KLHL25: variants seen among roughly 807,000 people sequenced by gnomAD.
KLHL25 encodes the protein kelch-like protein 25.
In KLHL25, 41 loss-of-function variants were observed where a neutral mutation model predicts 30.0. The ratio of observed to expected loss-of-function variants is 1.37; its 90% CI spans 1.07 to 1.78. The LOEUF (loss-of-function observed/expected upper bound fraction) is 1.78, where lower values mean the gene tolerates loss of function less well. Ranked by LOEUF, KLHL25 falls within the 40% of genes most tolerant of loss-of-function variation. KLHL25 has a pLI of 0.00. For synonymous variants in KLHL25, 399 were observed against 355.3 expected (o/e 1.12, Z -1.38); for missense variants, 971 against 824.5 (o/e 1.18, Z -2.18).
At chr15:85,782,923 T>C (rs12900830) in intron 1 of KLHL25, among the ~76,000 whole-genome samples, 23,632 of 151,992 alleles carry the variant, frequency 0.16, 2,454 homozygotes, top group Middle Eastern at 0.29. Flanking sequence ...CTACCTAGAA[T>C]CGATTAGATG....
chr15:85,779,455 T>C (rs1052574743), intron 1 of KLHL25, among the ~76,000 whole-genome samples: 1 of 152,180 alleles, frequency 6.6e-6, no homozygotes, highest in African/African-American at 2.4e-5. Context: ...ACACATGTGG[T>C]ATTAAAATGC....
Position 85,769,508 on chromosome 15 carries a change from C to A in KLHL25, c.303G>T (p.Leu101=). The change falls in exon 2 of 3, where the codon CTG becomes CTT. Residue 101 remains leucine (L), a synonymous_variant. Coordinates refer to ENST00000337975, the MANE Select transcript of KLHL25 (RefSeq NM_022480.4). The part of the protein sequence containing the change: ...DNLHPEVLEL[L]LDFAYSSRIA... ...TGCGTGAGGAGTAGGCAAAGTCCAG[C>A]AGCAGCTCCAGCACCTCCGGGTGCA... The A allele has an allele frequency of 6.2e-7, 1 of 1,614,014 alleles. No homozygotes were observed. The highest frequency in any genetic ancestry group is 2.2e-5 in the East Asian group (1 of 44,886).
intron 1 of KLHL25, among the ~76,000 whole-genome samples, chr15:85,785,095 T>TA (rs2089772245): frequency 2.2e-5 from 2 of 92,490 alleles, no homozygotes; most frequent in Non-Finnish European, 4.8e-5. Flanking sequence ...TTCTTTTTTC[T>TA]TTTTTTTTTT....
chr15:85,764,666 T>C (rs2089607024), intron 2 of KLHL25, among the ~76,000 whole-genome samples: 1 of 152,176 alleles, frequency 6.6e-6, no homozygotes, highest in Admixed American at 6.5e-5. Flanking sequence ...ACAGCAGTCA[T>C]GGGTGGACAG....
intron 1 of KLHL25, among the ~76,000 whole-genome samples, chr15:85,776,604 G>C (rs900407202): frequency 6.6e-6 from 1 of 152,042 alleles, no homozygotes; most frequent in Non-Finnish European, 1.5e-5. Flanking sequence ...TATTTATTTA[G>C]TTTGGTTTTG....
chr15:85,763,330 G>A lies in KLHL25; in HGVS notation c.*25-2319C>T, dbSNP rs569306909. ...TGCTCTGTGCCAGGGGCGCAGACGT[G>A]AGGATGCCCGTGGCCAGCTCCCCAG... On this transcript the variant is annotated intron_variant, in intron 2 of 2. Transcript: ENST00000337975. 2.0e-5 allele frequency: 3 copies of A among 152,374 alleles called. No homozygotes were observed. The South Asian group carries it at 6.2e-4, about 32-fold the overall frequency. The allele number at this position is 152,374 out of a possible 1,614,324, so 9.4% of individuals were successfully genotyped here. A position where few individuals can be genotyped will look rare whatever the true frequency, so the allele number is the denominator to read the frequency against.
intron 1 of KLHL25, among the ~76,000 whole-genome samples, chr15:85,785,918 G>A (rs940770693): frequency 2.0e-5 from 3 of 152,184 alleles, no homozygotes; most frequent in Non-Finnish European, 2.9e-5. Context: ...TTCAAGCTGC[G>A]CTCACAATGG....
chr15:85,788,221 G>A (rs775066772), intron 1 of KLHL25, among the ~76,000 whole-genome samples: 36 of 152,138 alleles, frequency 2.4e-4, no homozygotes, highest in South Asian at 8.3e-4. Context: ...GTCTCTGTCC[G>A]CAGCCCACGC....
At chr15:85,782,112 C>T (rs555533770) in intron 1 of KLHL25, among the ~76,000 whole-genome samples, 2 of 151,808 alleles carry the variant, frequency 1.3e-5, no homozygotes, top group African/African-American at 4.8e-5. Context: ...GTACAGGGGC[C>T]GTGAGTAGAC....
In KLHL25 at chr15:85,768,247, C is replaced by T; in HGVS notation, c.1564G>A (p.Gly522Arg). The change falls in exon 2 of 3, where the codon GGG becomes AGG. Residue 522 changes from glycine to arginine, a missense_variant. Transcript: ENST00000337975. ...GACATGCGCTTGGCAGTCATGTCCC[C>T]AATCCGCGTCCACTGGTTGGTCTCA... ...DCETNQWTRI[G>R]DMTAKRMSCH... 1.2e-6 allele frequency: 2 copies of T among 1,614,128 alleles called. No individual in the cohort carries two copies. The highest frequency in any genetic ancestry group is 4.5e-5 in the East Asian group (2 of 44,874).
At chr15:85,788,192 C>G (rs948624925) in intron 1 of KLHL25, among the ~76,000 whole-genome samples, 7 of 152,192 alleles carry the variant, frequency 4.6e-5, no homozygotes. Context: ...GGGTCTGGCA[C>G]CTCTCTGTGC....
At chr15:85,767,109 G>T (rs907289949) in intron 2 of KLHL25, among the ~76,000 whole-genome samples, 4 of 151,548 alleles carry the variant, frequency 2.6e-5, no homozygotes, top group Non-Finnish European at 5.9e-5. Flanking sequence ...TCCTACCTCA[G>T]CCTCCCAAGT....
intron 2 of KLHL25, chr15:85,761,976 G>A (rs1430864783): frequency 6.6e-6 from 1 of 152,282 alleles, no homozygotes; most frequent in Non-Finnish European, 1.5e-5. Context: ...CCAGCACTGA[G>A]GCTCCACGGC....
At position 85,768,711 on chromosome 15, in the gene KLHL25, T is replaced by A; in HGVS notation, c.1100A>T (p.Glu367Val). The A allele has an allele frequency of 6.2e-7, 1 of 1,613,484 alleles. No individual in the cohort carries two copies. The highest frequency in any genetic ancestry group is 8.5e-7 in the Non-Finnish European group (1 of 1,179,940). The change falls in exon 2 of 3, where the codon GAA (glutamate) becomes GTA (valine). Residue 367 changes from glutamate to valine, a missense_variant. By Grantham distance (121) the Glu-to-Val change is moderately radical. Transcript: ENST00000337975. ...CAGCATGGGCGCCGCCTTGGACCATTCCTCATGTACGGTGTCGTACACCCA... is the reference window on the plus strand; with the variant it reads ...CAGCATGGGCGCCGCCTTGGACCATACCTCATGTACGGTGTCGTACACCCA... Reference protein sequence around the residue: ...DVWVYDTVHEEWSKAAPMLIA... With the variant: ...DVWVYDTVHEVWSKAAPMLIA...
Position 85,768,801 on chromosome 15 carries a change from G to A in KLHL25, c.1010C>T (p.Ala337Val), listed in dbSNP as rs770250715. 18 of 1,613,154 alleles carry A rather than the reference G, an allele frequency of 1.1e-5. No homozygotes were observed. The highest frequency in any genetic ancestry group is 4.0e-5 in the African/African-American group (3 of 74,954). The change falls in exon 2 of 3, where the codon GCG (alanine) becomes GTG (valine). Residue 337 changes from alanine (A) to valine (V), a missense_variant. By Grantham distance (64) the Ala-to-Val change is moderately conservative. Transcript: ENST00000337975. ...CGTCACATAGACCTTGCAGCCGATCGCTGAGGCGCTGAACTCCTTCCGGGG... is the reference window on the plus strand; with the variant it reads ...CGTCACATAGACCTTGCAGCCGATCACTGAGGCGCTGAACTCCTTCCGGGG... Reference protein sequence around the residue: ...PSPRKEFSASAIGCKVYVTGG... With the variant: ...PSPRKEFSASVIGCKVYVTGG...
In KLHL25 at chr15:85,769,819, AG is replaced by A; in HGVS notation, c.-10del. ...TGGACACTGACCGACATGGTGCGTC[AG>A]CTTGTGGGGGAACAAGCCCACAGGT... On this transcript the variant is annotated splice_region_variant and 5_prime_UTR_variant, in exon 2 of 3. It adds an upstream start codon to the 5' untranslated region. Transcript: ENST00000337975. 2.5e-6 allele frequency: 4 copies of A among 1,597,718 alleles called. No homozygotes were observed. Among genetic ancestry groups the A allele is most frequent in the Non-Finnish European group, 3.4e-6 (4 of 1,173,598 alleles).
At position 85,789,715 on chromosome 15, in the gene KLHL25, C is replaced by A. The variant is rs763206557; in HGVS notation, c.-11+5051G>T. Among the ~76,000 whole-genome samples the A allele has an allele frequency of 1.3e-5, 2 of 152,158 alleles. No homozygotes were observed. The highest frequency in any genetic ancestry group is 6.5e-5 in the Admixed American group (1 of 15,274). The stretch of plus-strand genomic sequence containing the variant: ...GAACTGCTGCCCAGCTCCCTGCCCA[C>A]GACCAGTCAGAGCGATGGCCCTGAG... On this transcript the variant is annotated intron_variant, in intron 1 of 2. Transcript: ENST00000337975. This position sits in a 1 kb window ranked among gnomAD's most constrained non-coding sequence, Gnocchi z 4.1.
rs548077574 is a variant in KLHL25, at chr15:85,769,692, C to A, written c.119G>T (p.Arg40Leu). ...DCVLAHLNTL[R>L]KHCMFTDVTL... Reference sequence around the variant, plus strand: ...GACGTCGGTGAACATGCAGTGCTTGCGAAGCGTGTTGAGGTGGGCCAGCAC... The same window carrying A: ...GACGTCGGTGAACATGCAGTGCTTGAGAAGCGTGTTGAGGTGGGCCAGCAC... Residue 40 changes from arginine (R) to leucine (L), a missense_variant, in exon 2 of 3, where the codon CGC becomes CTC. Transcript: ENST00000337975. 7 of 1,613,814 alleles carry A rather than the reference C, an allele frequency of 4.3e-6. No individual in the cohort carries two copies. The highest frequency in any genetic ancestry group is 3.3e-5 in the South Asian group (3 of 91,074).
chr15:85,774,568 C>G (rs1040891999), intron 1 of KLHL25, among the ~76,000 whole-genome samples: 1 of 152,170 alleles, frequency 6.6e-6, no homozygotes, highest in African/African-American at 2.4e-5. Context: ...AAATAGGAAC[C>G]CGGATGCCAT....
Sources: gnomAD v4.1 joint callset for allele counts (sites outside exome capture counted in the v4.1 genomes callset) on GRCh38, gnomAD v4.1.1 for gene constraint, Gnocchi (gnomAD v3.1) non-coding constraint, MANE v1.5 for transcripts, NCBI Gene and HGNC (gene_info 2026-07-23, HGNC 2026-07-21) for gene names.